Variants in MAVS observed in about 807,000 individuals in gnomAD.
MAVS encodes the protein mitochondrial antiviral-signaling protein.
Under a neutral mutation model 30.2 loss-of-function variants are expected in MAVS, and 20 were observed. The ratio of observed to expected loss-of-function variants is 0.66; its 90% confidence interval spans 0.47 to 0.96. The LOEUF (loss-of-function observed/expected upper bound fraction) is 0.96, where lower values mean the gene tolerates loss of function less well. MAVS is among the 40% of genes least tolerant of loss of function. MAVS has a pLI of 0.00. For missense variants in MAVS, 624 were observed against 701.1 expected, an observed-to-expected ratio of 0.89 and a Z score of 1.24; for synonymous variants, 278 against 293.9, an observed-to-expected ratio of 0.95 and a Z score of 0.55.
intron 1 of MAVS, among the ~76,000 whole-genome samples, chr20:3,853,440 C>T (rs1481863891): frequency 3.6e-4 from 54 of 149,544 alleles, no homozygotes; most frequent in Non-Finnish European, 6.5e-4. Flanking sequence ...GAGCCGAGAT[C>T]GCGCCACCGC....
At chr20:3,850,047 G>A (rs2089743989) in intron 1 of MAVS, among the ~76,000 whole-genome samples, 3 of 151,898 alleles carry the variant, frequency 2.0e-5, no homozygotes, top group African/African-American at 7.3e-5. Flanking sequence ...GGGAGGCCGA[G>A]GCGGGCAGAT....
chr20:3,871,702 G>C lies in MAVS; in HGVS notation c.*5555G>C, dbSNP rs1363536230. 6.6e-6 allele frequency: 1 copy of C among 152,364 alleles called. No homozygotes were observed. Among genetic ancestry groups the C allele is most frequent in the Admixed American group, 6.6e-5 (1 of 15,260 alleles). The allele number at this position is 152,364 out of a possible 1,614,324, so 9.4% of individuals were successfully genotyped here. A position where few individuals can be genotyped will look rare whatever the true frequency, so the allele number is the denominator to read the frequency against. ...GCAGCTGATAGCACCCCCACCTCCA[G>C]GGAAAGTGAGTTCAGAGTCCTTGGT... On this transcript the variant is annotated 3_prime_UTR_variant, in exon 7 of 7. Coordinates refer to ENST00000428216, the MANE Select transcript of MAVS (RefSeq NM_020746.5).
chr20:3,848,243 T>C (rs552110227), intron 1 of MAVS, among the ~76,000 whole-genome samples: 18 of 151,950 alleles, frequency 1.2e-4, no homozygotes, highest in South Asian at 2.1e-4. Context: ...GGACTACAGG[T>C]GTGTGCCACC....
chr20:3,852,834 A>AT (rs57163061), intron 1 of MAVS, among the ~76,000 whole-genome samples: 4,619 of 107,406 alleles, frequency 0.043, 193 homozygotes, highest in African/African-American at 0.095. Context: ...ATTCTGCAGA[A>AT]TTTTTTTTTT....
At chr20:3,862,197 C>A in intron 4 of MAVS, 57 bp from the exon 5 acceptor site, 1 of 1,578,442 alleles carries the variant, frequency 6.3e-7, no homozygotes, top group Non-Finnish European at 8.6e-7. Context: ...GCACAAGCTG[C>A]CCTTTGTGAG....
At chr20:3,849,277 T>C (rs2089737438) in intron 1 of MAVS, among the ~76,000 whole-genome samples, 1 of 151,890 alleles carries the variant, frequency 6.6e-6, no homozygotes, top group South Asian at 2.1e-4. Flanking sequence ...TGGGATGATT[T>C]CAGCTCACTG....
intron 1 of MAVS, among the ~76,000 whole-genome samples, chr20:3,852,332 T>C (rs554713092): frequency 6.6e-6 from 1 of 152,314 alleles, no homozygotes; most frequent in African/African-American, 2.4e-5. Flanking sequence ...TGCAGCCATG[T>C]CATGGAAAGA....
intron 6 of MAVS, 34 bp downstream of exon 6, chr20:3,864,822 C>A (rs1568537882): frequency 6.3e-7 from 1 of 1,598,584 alleles, no homozygotes; most frequent in Non-Finnish European, 8.5e-7. Context: ...GGGATCCTGG[C>A]CCCTTCCCCC....
At chr20:3,847,299 G>A (rs978918071) in intron 1 of MAVS, among the ~76,000 whole-genome samples, 3 of 152,128 alleles carry the variant, frequency 2.0e-5, no homozygotes, top group Non-Finnish European at 4.4e-5. Context: ...GCCGCCCTCC[G>A]CTGGGTCTGG....
At chr20:3,847,417 G>C (rs1294424716) in intron 1 of MAVS, among the ~76,000 whole-genome samples, 1 of 152,266 alleles carries the variant, frequency 6.6e-6, no homozygotes, top group African/African-American at 2.4e-5. Context: ...CCTTTGGGAA[G>C]GGTGGGTGTT....
At position 3,872,109 on chromosome 20, in the gene MAVS, C is replaced by T. The variant is rs1033632497; in HGVS notation, c.*5962C>T. ...GGATGTTCTTTATGCCTGTGAACCA[C>T]AGCTTATCACATGTCTGGAGTTAGG... is the stretch of plus-strand genomic sequence containing the variant. On this transcript the variant is annotated 3_prime_UTR_variant, in exon 7 of 7. Coordinates refer to ENST00000428216, the MANE Select transcript of MAVS (RefSeq NM_020746.5). 6.6e-6 allele frequency: 1 copy of T among 152,332 alleles called. No homozygotes were observed. The highest frequency in any genetic ancestry group is 2.4e-5 in the African/African-American group (1 of 41,444). 9.4% of individuals were successfully genotyped at this position (152,332 alleles called of 1,614,324 possible).
Position 3,864,653 on chromosome 20 carries a change from C to A in MAVS, c.1023C>A (p.Leu341=). ...CTGGTGCAGTGCCTTCTAATGCGCT[C>A]ACCAATCCAGCACCATCCAAATTGC... ...KPPGAVPSNA[L]TNPAPSKLPI... is the part of the protein sequence containing the mutation. The change falls in exon 6 of 7, where the codon CTC becomes CTA. Residue 341 remains leucine (L), a synonymous_variant. Coordinates refer to ENST00000428216, the MANE Select transcript of MAVS (RefSeq NM_020746.5). 6.2e-7 allele frequency: 1 copy of A among 1,614,252 alleles called. No homozygotes were observed. The highest frequency in any genetic ancestry group is 8.5e-7 in the Non-Finnish European group (1 of 1,180,040).
chr20:3,863,122 C>T (rs2089879106), intron 5 of MAVS, among the ~76,000 whole-genome samples: 1 of 152,156 alleles, frequency 6.6e-6, no homozygotes, highest in Admixed American at 6.5e-5. Flanking sequence ...GCAGGGGAAC[C>T]TTTAGGCACT....
Position 3,865,975 on chromosome 20 carries a change from G to A in MAVS, c.1451G>A (p.Gly484Glu). 6.2e-7 allele frequency: 1 copy of A among 1,613,362 alleles called. No individual in the cohort carries two copies. The highest frequency in any genetic ancestry group is 8.5e-7 in the Non-Finnish European group (1 of 1,179,992). ...PSIQLLEGNP[G>E]PPADPDGGPR... ...ATCCAGCTCCTGGAGGGCAACCCTG[G>A]GCCACCTGCGGACCCGGATGGCGGC... The change falls in exon 7 of 7, where the codon GGG (glycine) becomes GAG (glutamate). Residue 484 changes from glycine to glutamate, a missense_variant. Gly to Glu is a moderately conservative substitution (Grantham distance 98). Coordinates refer to ENST00000428216, the MANE Select transcript of MAVS (RefSeq NM_020746.5). The surrounding 1 kb of genome is among the most constrained non-coding windows in gnomAD (Gnocchi z 4.7).
intron 2 of MAVS, among the ~76,000 whole-genome samples, chr20:3,855,174 C>A (rs112929008): frequency 6.6e-6 from 1 of 152,062 alleles, no homozygotes; most frequent in South Asian, 2.1e-4. Flanking sequence ...CAGGCGTGAG[C>A]CACCGCACCC....
intron 4 of MAVS, 131 bp downstream of exon 4, chr20:3,861,635 G>C (rs999403066): frequency 9.7e-7 from 1 of 1,029,266 alleles, no homozygotes; most frequent in Non-Finnish European, 1.4e-6. Context: ...GAACCCTAGG[G>C]CTTCCTCAGT....
chr20:3,846,968 T>C (rs532891344), intron 1 of MAVS, 65 bp downstream of exon 1: 1 of 152,446 alleles, frequency 6.6e-6, no homozygotes, highest in Admixed American at 6.5e-5. Flanking sequence ...TTAGGGAAGG[T>C]GGCTGCAGCG....
intron 1 of MAVS, among the ~76,000 whole-genome samples, chr20:3,850,652 C>T (rs2089752057): frequency 6.6e-6 from 1 of 151,054 alleles, no homozygotes; most frequent in Non-Finnish European, 1.5e-5. Context: ...TTTGGGAGGC[C>T]GAGGCAGGCG....
At chr20:3,857,553 C>G in intron 2 of MAVS, 82 bp from the exon 3 acceptor site, 1 of 1,470,902 alleles carries the variant, frequency 6.8e-7, no homozygotes, top group Non-Finnish European at 9.0e-7. Flanking sequence ...TGGCACCCCT[C>G]CCCCCGCTGT....
Sources: allele counts gnomAD v4.1 joint callset (sites outside exome capture counted in the v4.1 genomes callset), GRCh38; gene constraint gnomAD v4.1.1; non-coding constraint Gnocchi (gnomAD v3.1); transcripts MANE v1.5; gene names NCBI Gene and HGNC (gene_info 2026-07-23, HGNC 2026-07-21).